The following SPATS1 variants were observed in gnomAD, a reference collection of about 807,000 sequenced individuals.
SPATS1 encodes spermatogenesis-associated serine-rich protein 1.
SPATS1 carries 23 observed loss-of-function variants against 33.6 expected under a neutral mutation model. The observed-to-expected ratio is 0.68, with a 90% CI of 0.49 to 0.97. SPATS1 has a LOEUF of 0.97. Among genes scored for constraint, SPATS1 ranks in the 50% least tolerant of loss-of-function variants. The probability of loss-of-function intolerance (pLI) is 0.00; values close to 1 mark genes in which losing one functional copy is unlikely to be tolerated. For synonymous variants in SPATS1, 131 were observed against 125.6 expected (o/e 1.04, Z -0.29); for missense variants, 327 against 361.0 (o/e 0.91, Z 0.76).
At chr6:44,373,760 T>G (rs1789767482) in intron 7 of SPATS1, among the ~76,000 whole-genome samples, 1 of 152,186 alleles carries the variant, frequency 6.6e-6, no homozygotes. Flanking sequence ...GTAAGATTAC[T>G]TATTGAAAAG....
chr6:44,369,697 C>A (rs1789479701), intron 6 of SPATS1, among the ~76,000 whole-genome samples: 1 of 151,782 alleles, frequency 6.6e-6, no homozygotes, highest in African/African-American at 2.4e-5. Context: ...CATGGAGAAA[C>A]CCCTTCTCTA....
chr6:44,357,799 T>C (rs959673641), intron 3 of SPATS1, among the ~76,000 whole-genome samples: 1 of 152,238 alleles, frequency 6.6e-6, no homozygotes, highest in Non-Finnish European at 1.5e-5. Flanking sequence ...TACCATCATC[T>C]TACTTATCTC....
rs115017017 is a variant in SPATS1 at position 44,362,046 on chromosome 6, G to T, written c.574+54G>T. On this transcript the variant is annotated intron_variant, in intron 5 of 8. Coordinates refer to ENST00000674044, the MANE Select transcript of SPATS1 (RefSeq NM_001372081.1). ...GCAGTCCCCGAAAAACTCTCGAGTCGTGATTCTATAGGCCCTGCATTCTGT... is the reference window on the plus strand; with the variant it reads ...GCAGTCCCCGAAAAACTCTCGAGTCTTGATTCTATAGGCCCTGCATTCTGT... The T allele has an allele frequency of 5.6e-6, 9 of 1,608,638 alleles. No homozygotes were observed. The East Asian group carries it at 2.0e-4, about 36-fold the overall frequency.
intron 2 of SPATS1, chr6:44,343,439 T>C: frequency 1.5e-6 from 1 of 672,858 alleles, no homozygotes; most frequent in Admixed American, 2.1e-5. Flanking sequence ...AAGCAGAGAG[T>C]CTCATAAATT....
Position 44,369,098 on chromosome 6 carries a change from A to T in SPATS1, c.695+599A>T, listed in dbSNP as rs113598203. Among the ~76,000 whole-genome samples, 42 of 152,058 alleles carry T rather than the reference A, an allele frequency of 2.8e-4. 1 individual carries two copies. In the East Asian group the frequency reaches 6.6e-3, roughly 24 times the overall value. On this transcript the variant is annotated intron_variant, in intron 6 of 8. Transcript: ENST00000674044. ...TTTTCAGTAGAGACGGGGTTTCACC[A>T]TGTTAGCCAGGATGGTCTTGATCTC...
intron 2 of SPATS1, among the ~76,000 whole-genome samples, chr6:44,348,023 T>C (rs953658948): frequency 6.6e-6 from 1 of 151,942 alleles, no homozygotes; most frequent in African/African-American, 2.4e-5. Context: ...TGTTTTTTTT[T>C]TGGGATGGAG....
At chr6:44,347,223 G>A (rs893159044) in intron 2 of SPATS1, among the ~76,000 whole-genome samples, 2 of 152,106 alleles carry the variant, frequency 1.3e-5, no homozygotes, top group Non-Finnish European at 2.9e-5. Flanking sequence ...GGGGCCTGTC[G>A]TGGGGTTGGG....
chr6:44,352,821 G>A lies in SPATS1; in HGVS notation c.235G>A (p.Gly79Ser). Residue 79 changes from glycine to serine, a missense_variant, in exon 3 of 9, where the codon GGC becomes AGC. Transcript: ENST00000674044. ...SVSSSSSVET[G>S]PSVSEPPGLP... ...CAGTTCCTCATCTTCTGTGGAAACA[G>A]GCCCAAGTGTCAGTGAGCCTCCTGG... is the stretch of plus-strand genomic sequence containing the variant. The A allele has an allele frequency of 6.2e-7, 1 of 1,614,196 alleles. No individual in the cohort carries two copies. The highest frequency in any genetic ancestry group is 8.5e-7 in the Non-Finnish European group (1 of 1,180,028).
intron 2 of SPATS1, among the ~76,000 whole-genome samples, chr6:44,346,095 A>G (rs1044334550): frequency 5.9e-5 from 9 of 152,146 alleles, no homozygotes; most frequent in African/African-American, 2.2e-4. Context: ...AGCCTGGGCA[A>G]CATGGTGAGA....
chr6:44,342,876 G>A, intron 1 of SPATS1, 108 bp downstream of exon 1: 1 of 1,304,198 alleles, frequency 7.7e-7, no homozygotes, highest in Non-Finnish European at 1.0e-6. Flanking sequence ...GGGCTGCAGC[G>A]AGCCTGGTTC....
chr6:44,349,288 C>CAAAAAAAAAA (rs35407623), intron 2 of SPATS1, among the ~76,000 whole-genome samples: 98 of 72,370 alleles, frequency 1.4e-3, no homozygotes, highest in Non-Finnish European at 1.9e-3. Context: ...GACTCTGGCT[C>CAAAAAAAAAA]AAAAAAAAAA....
intron 8 of SPATS1, 118 bp downstream of exon 8, chr6:44,376,591 G>T (rs1025707747): frequency 6.1e-6 from 4 of 651,894 alleles, no homozygotes; most frequent in Non-Finnish European, 1.0e-5. Context: ...CACAAGGTCA[G>T]GAGTTCAAGA....
intron 7 of SPATS1, among the ~76,000 whole-genome samples, chr6:44,375,423 A>T (rs1157012128): frequency 6.6e-6 from 1 of 152,180 alleles, no homozygotes; most frequent in Admixed American, 6.5e-5. Context: ...GCCTTGGGAG[A>T]TAGGACATCA....
chr6:44,348,114 T>G (rs1273570110), intron 2 of SPATS1, among the ~76,000 whole-genome samples: 1 of 152,002 alleles, frequency 6.6e-6, no homozygotes. Flanking sequence ...GATCAAGCGA[T>G]TCTCCTGCCT....
Position 44,370,075 on chromosome 6 carries a change from T to C in SPATS1, c.720T>C (p.Asp240=), listed in dbSNP as rs1789509943. Residue 240 remains aspartate (D), a synonymous_variant, in exon 7 of 9, where the codon GAT becomes GAC. Transcript: ENST00000674044. The part of the protein sequence containing the change: ...FSIVPYEKKF[D]TFIPLEPLPQ... ...GAGTGCCTTATGAAAAGAAATTTGA[T>C]ACATTTATTCCACTTGAGCCTCTTC... The C allele has an allele frequency of 1.2e-6, 2 of 1,612,602 alleles. No homozygotes were observed. Among genetic ancestry groups the C allele is most frequent in the Non-Finnish European group, 1.7e-6 (2 of 1,178,978 alleles).
At chr6:44,349,288 CAAAAAAAAAAAA>C (rs35407623) in intron 2 of SPATS1, among the ~76,000 whole-genome samples, 11 of 72,638 alleles carry the variant, frequency 1.5e-4, no homozygotes, top group East Asian at 9.3e-4. Context: ...GACTCTGGCT[CAAAAAAAAAAAA>C]AAAAAAAAAA....
intron 3 of SPATS1, among the ~76,000 whole-genome samples, chr6:44,356,190 G>A (rs751818916): frequency 2.0e-5 from 3 of 152,070 alleles, no homozygotes; most frequent in Non-Finnish European, 2.9e-5. Flanking sequence ...GATAATCTCA[G>A]TATTCATACA....
At chr6:44,367,777 C>T (rs1297339751) in intron 5 of SPATS1, among the ~76,000 whole-genome samples, 1 of 152,162 alleles carries the variant, frequency 6.6e-6, no homozygotes, top group Non-Finnish European at 1.5e-5. Context: ...AATGATCACC[C>T]TACACTAGGC....
intron 3 of SPATS1, among the ~76,000 whole-genome samples, chr6:44,353,819 C>G (rs1026665419): frequency 2.0e-5 from 3 of 149,414 alleles, no homozygotes; most frequent in Non-Finnish European, 4.5e-5. Flanking sequence ...TGGTGGATCA[C>G]GAGGTCAGGA....
Sources: gnomAD v4.1 joint callset for allele counts (sites outside exome capture counted in the v4.1 genomes callset) on GRCh38, gnomAD v4.1.1 for gene constraint, MANE v1.5 for transcripts, NCBI Gene and HGNC (gene_info 2026-07-23, HGNC 2026-07-21) for gene names.